The following CELF2 variants were observed in gnomAD, a reference collection of about 807,000 sequenced individuals.
The protein encoded by CELF2 is CUGBP Elav-like family member 2.
A neutral mutation model predicts 62.6 loss-of-function variants in CELF2; 8 were observed. The ratio of observed to expected loss-of-function variants is 0.13; its 90% confidence interval spans 0.07 to 0.23. The LOEUF is 0.23. Among genes scored for constraint, CELF2 ranks in the 10% least tolerant of loss-of-function variants. The probability of loss-of-function intolerance (pLI) is 1.00; values close to 1 mark genes in which losing one functional copy is unlikely to be tolerated. For synonymous variants in CELF2, 258 were observed against 250.0 expected (o/e 1.03, Z -0.30); for missense variants, 333 against 671.0 (o/e 0.50, Z 5.56).
intron 1 of CELF2, among the ~76,000 whole-genome samples, chr10:11,084,935 A>G (rs2075020742): frequency 6.6e-6 from 1 of 152,198 alleles, no homozygotes; most frequent in African/African-American, 2.4e-5. Context: ...CTAGGCACTA[A>G]CACATTAAAA....
the CELF2 span, among the ~76,000 whole-genome samples, chr10:10,671,953 C>T: frequency 5.3e-5 from 8 of 152,212 alleles, no homozygotes; most frequent in East Asian, 1.9e-4. Context: ...TGGTCTTGAA[C>T]GCCTGACCTC....
In CELF2 at chr10:10,984,421, G is replaced by A. The variant is rs567514793; in HGVS notation, c.89+64422G>A. ...AACAATCTACAGTTACTAGCTAGAT[G>A]GATAATTGTACAGCCTCTCAATTAC... On this transcript the variant is annotated intron_variant, in intron 2 of 13. Transcript: ENST00000636488. 1.2e-4 allele frequency among the ~76,000 whole-genome samples: 19 copies of A among 152,330 alleles called. No homozygotes were observed. The South Asian group carries it at 3.9e-3, about 32-fold the overall frequency.
chr10:10,562,463 A>G, the CELF2 span, among the ~76,000 whole-genome samples: 3 of 152,148 alleles, frequency 2.0e-5, no homozygotes, highest in Non-Finnish European at 4.4e-5. Flanking sequence ...ATGTGCTATA[A>G]TTATCCACTT....
chr10:10,474,200 A>G, the CELF2 span, among the ~76,000 whole-genome samples: 1 of 151,928 alleles, frequency 6.6e-6, no homozygotes, highest in Non-Finnish European at 1.5e-5. Flanking sequence ...CCCAGTTCTT[A>G]AGGAGGCAGA....
At chr10:11,209,739 C>A (rs763106366) in intron 2 of CELF2, among the ~76,000 whole-genome samples, 4 of 150,976 alleles carry the variant, frequency 2.6e-5, no homozygotes, top group African/African-American at 9.8e-5. Flanking sequence ...ATGGCAGATT[C>A]GCTTGAGCAC....
At chr10:11,184,679 T>C (rs1292993274) in intron 2 of CELF2, among the ~76,000 whole-genome samples, 1 of 152,256 alleles carries the variant, frequency 6.6e-6, no homozygotes, top group Non-Finnish European at 1.5e-5. Context: ...AATTTTATTC[T>C]ATTTGCTATT....
At chr10:11,248,363 C>G (rs1294076608) in intron 3 of CELF2, among the ~76,000 whole-genome samples, 1 of 152,154 alleles carries the variant, frequency 6.6e-6, no homozygotes, top group Non-Finnish European at 1.5e-5. Flanking sequence ...CCCGCTGTGT[C>G]TAGTCCTTTC....
chr10:10,754,011 A>T, the CELF2 span, among the ~76,000 whole-genome samples: 1 of 150,400 alleles, frequency 6.6e-6, no homozygotes, highest in African/African-American at 2.4e-5. Flanking sequence ...AGCTCTTATT[A>T]AAAGTAAACA....
the CELF2 span, among the ~76,000 whole-genome samples, chr10:10,652,550 A>G: frequency 6.9e-6 from 1 of 144,754 alleles, no homozygotes; most frequent in Non-Finnish European, 1.5e-5. Context: ...AAGCCAGAAG[A>G]GAGTGGGGGC....
chr10:10,977,629 C>T (rs747392750), intron 2 of CELF2, among the ~76,000 whole-genome samples: 6 of 152,050 alleles, frequency 3.9e-5, no homozygotes, highest in Non-Finnish European at 8.8e-5. Flanking sequence ...AATGTCATCC[C>T]CTTCTAAAAT....
In CELF2 at chr10:11,329,198, A is replaced by T; in HGVS notation, c.*145A>T. On this transcript the variant is annotated 3_prime_UTR_variant, in exon 13 of 13. Coordinates refer to ENST00000633077, the MANE Select transcript of CELF2 (RefSeq NM_001326342.2). This position sits in a 1 kb window ranked among gnomAD's most constrained non-coding sequence, Gnocchi z 5.5. Reference sequence around the variant, plus strand: ...CGGTTATTTTTACAATAAGGCCTCCATGTCCCCACCCACTTCCCCTACCCA... The same window carrying T: ...CGGTTATTTTTACAATAAGGCCTCCTTGTCCCCACCCACTTCCCCTACCCA... 3 of 769,248 alleles carry T rather than the reference A, an allele frequency of 3.9e-6. No homozygotes were observed. Among genetic ancestry groups the T allele is most frequent in the Non-Finnish European group, 5.9e-6 (3 of 510,676 alleles). 47.7% of individuals were successfully genotyped at this position (769,248 alleles called of 1,614,324 possible). A position where few individuals can be genotyped will look rare whatever the true frequency, so the allele number is the denominator to read the frequency against.
chr10:10,805,102 T>G (rs890983513), intron 1 of CELF2, among the ~76,000 whole-genome samples: 11 of 152,230 alleles, frequency 7.2e-5, no homozygotes, highest in Non-Finnish European at 1.3e-4. Context: ...GTGCTTTTCA[T>G]GTAATGTCTC....
At chr10:11,053,287 A>G (rs1002411871) in intron 1 of CELF2, among the ~76,000 whole-genome samples, 2 of 152,170 alleles carry the variant, frequency 1.3e-5, no homozygotes, top group Non-Finnish European at 2.9e-5. Flanking sequence ...TTTTCCCTCA[A>G]TAGACCATAT....
Position 11,329,702 on chromosome 10 carries a change from ATTG to A in CELF2, c.*652_*654del, listed in dbSNP as rs1461308106. 1.3e-5 allele frequency: 2 copies of A among 152,478 alleles called. No homozygotes were observed. The highest frequency in any genetic ancestry group is 2.9e-5 in the Non-Finnish European group (2 of 68,024). The allele number at this position is 152,478 out of a possible 1,614,324, so 9.4% of individuals were successfully genotyped here. ...TATTACACTGGTTGTCTATTTTGTT[ATTG>A]TTTTATTTTAGTTTTTAGAAAGGAT... is the stretch of plus-strand genomic sequence containing the variant. On this transcript the variant is annotated 3_prime_UTR_variant, in exon 13 of 13. Transcript: ENST00000633077. The surrounding 1 kb of genome is among the most constrained non-coding windows in gnomAD (Gnocchi z 5.5).
intron 1 of CELF2, among the ~76,000 whole-genome samples, chr10:11,081,877 GTCCC>G (rs1288681674): frequency 6.6e-6 from 1 of 152,188 alleles, no homozygotes; most frequent in Non-Finnish European, 1.5e-5. Context: ...GGCCTCTGAT[GTCCC>G]CATTATATTG....
intron 1 of CELF2, among the ~76,000 whole-genome samples, chr10:11,028,267 C>G (rs937693547): frequency 1.3e-5 from 2 of 152,020 alleles, no homozygotes; most frequent in East Asian, 3.9e-4. Context: ...TCCACGTGGT[C>G]CTTCTGAAAA....
chr10:10,786,300 T>C, the CELF2 span, among the ~76,000 whole-genome samples: 2 of 152,140 alleles, frequency 1.3e-5, no homozygotes, highest in African/African-American at 4.8e-5. Context: ...ATGTTAAGGG[T>C]TATCATGAAG....
the CELF2 span, among the ~76,000 whole-genome samples, chr10:10,494,812 A>G: frequency 3.9e-5 from 6 of 152,318 alleles, no homozygotes; most frequent in South Asian, 1.2e-3. Flanking sequence ...TGTCTCAGAT[A>G]AAAATTAATA....
At chr10:11,043,946 C>T (rs559777736) in intron 1 of CELF2, among the ~76,000 whole-genome samples, 3 of 152,350 alleles carry the variant, frequency 2.0e-5, no homozygotes, top group South Asian at 4.1e-4. Context: ...CTCTGCTCCA[C>T]CCACATGGGC....
Sources: gnomAD v4.1 joint callset for allele counts (sites outside exome capture counted in the v4.1 genomes callset) on GRCh38, gnomAD v4.1.1 for gene constraint, Gnocchi (gnomAD v3.1) non-coding constraint, MANE v1.5 for transcripts, NCBI Gene and HGNC (gene_info 2026-07-23, HGNC 2026-07-21) for gene names.